Variants in NHSL1 observed in about 807,000 individuals in gnomAD.
NHSL1 encodes NHS-like protein 1.
In NHSL1, 48 loss-of-function variants were observed where a neutral mutation model predicts 95.0. The ratio of observed to expected loss-of-function variants is 0.51; its 90% CI spans 0.40 to 0.64. The LOEUF (loss-of-function observed/expected upper bound fraction) is 0.64. NHSL1 is among the 30% of genes least tolerant of loss of function. The pLI is 0.00. For missense variants in NHSL1, 1,971 were observed against 2,077.7 expected, an observed-to-expected ratio of 0.95 and a Z score of 1.00; for synonymous variants, 783 against 833.9, an observed-to-expected ratio of 0.94 and a Z score of 1.05.
chr6:138,430,309 C>T lies in NHSL1; in HGVS notation c.3952+84G>A, dbSNP rs1417712321. The T allele has an allele frequency of 1.6e-5, 22 of 1,404,850 alleles. No individual in the cohort carries two copies. The highest frequency in any genetic ancestry group is 8.7e-5 in the African/African-American group (6 of 69,068). The allele number at this position is 1,404,850 out of a possible 1,614,324, so 87.0% of individuals were successfully genotyped here. A position where few individuals can be genotyped will look rare whatever the true frequency, so the allele number is the denominator to read the frequency against. ...ATCTGATCTACCTGGGTTCTTTCCA[C>T]GTGTGAGCATTCAACAACCCTATCT... On this transcript the variant is annotated intron_variant, in intron 6 of 7. Coordinates refer to ENST00000343505, the MANE Select transcript of NHSL1 (RefSeq NM_001144060.2). This position sits in a 1 kb window ranked among gnomAD's most constrained non-coding sequence, Gnocchi z 4.7.
intron 1 of NHSL1, among the ~76,000 whole-genome samples, chr6:138,563,496 A>G (rs2114327175): frequency 6.6e-6 from 1 of 152,350 alleles, no homozygotes; most frequent in Non-Finnish European, 1.5e-5. Flanking sequence ...ACACTAGGAT[A>G]AAGACATTTT....
Position 138,430,998 on chromosome 6 carries a change from A to C in NHSL1, c.3347T>G (p.Leu1116Arg), listed in dbSNP as rs1775611848. Reference protein sequence around the residue: ...PQYHLKPSAFLKSRNSTNEME... With the variant: ...PQYHLKPSAFRKSRNSTNEME... ...TTCATTTGTGCTATTTCGGGATTTC[A>C]GGAAAGCAGATGGCTTTAAGTGGTA... is the stretch of plus-strand genomic sequence containing the variant. Residue 1116 changes from leucine to arginine, a missense_variant, in exon 6 of 8, where the codon CTG becomes CGG. Transcript: ENST00000343505. The surrounding 1 kb of genome is among the most constrained non-coding windows in gnomAD (Gnocchi z 4.7). 6.4e-7 allele frequency: 1 copy of C among 1,552,256 alleles called. No individual in the cohort carries two copies. The highest frequency in any genetic ancestry group is 8.7e-7 in the Non-Finnish European group (1 of 1,147,120).
chr6:138,666,236 G>T (rs1785292264), intron 1 of NHSL1, among the ~76,000 whole-genome samples: 1 of 152,148 alleles, frequency 6.6e-6, no homozygotes, highest in Non-Finnish European at 1.5e-5. Context: ...CCCAGAGGTG[G>T]AGGTTGCAGT....
Position 138,430,459 on chromosome 6 carries a change from G to T in NHSL1, c.3886C>A (p.Pro1296Thr). 1.3e-6 allele frequency: 2 copies of T among 1,548,450 alleles called. No homozygotes were observed. The highest frequency in any genetic ancestry group is 2.4e-5 in the South Asian group (2 of 83,530). The change falls in exon 6 of 8, where the codon CCA (proline) becomes ACA (threonine). Residue 1296 changes from proline (P) to threonine (T), a missense_variant. Coordinates refer to ENST00000343505, the MANE Select transcript of NHSL1 (RefSeq NM_001144060.2). This position sits in a 1 kb window ranked among gnomAD's most constrained non-coding sequence, Gnocchi z 4.7. ...DVSPAPKQEE[P>T]AENSADTGGD... Reference sequence around the variant, plus strand: ...CCAGTATCCGCACTGTTCTCGGCTGGCTCCTCCTGCTTGGGGGCTGGTGAG... The same window carrying T: ...CCAGTATCCGCACTGTTCTCGGCTGTCTCCTCCTGCTTGGGGGCTGGTGAG...
chr6:138,427,750 C>CT (rs1417546659), intron 7 of NHSL1, among the ~76,000 whole-genome samples: 2 of 152,208 alleles, frequency 1.3e-5, no homozygotes, highest in African/African-American at 4.8e-5. Flanking sequence ...AATTTGGAAG[C>CT]TGTGTTTCAA....
chr6:138,579,567 T>G (rs1483442100), intron 1 of NHSL1, among the ~76,000 whole-genome samples: 1 of 152,250 alleles, frequency 6.6e-6, no homozygotes, highest in Non-Finnish European at 1.5e-5. Flanking sequence ...ACATCTTCAC[T>G]GCTTCCATCC....
At chr6:138,661,670 A>C (rs1296295553) in intron 1 of NHSL1, among the ~76,000 whole-genome samples, 3 of 152,050 alleles carry the variant, frequency 2.0e-5, no homozygotes, top group African/African-American at 7.2e-5. Context: ...TCAAATAAAA[A>C]AAAAAAAGAA....
chr6:138,571,982 C>T (rs1783856897), exon 1 of NHSL1: 3 of 1,296,032 alleles, frequency 2.3e-6, no homozygotes, highest in East Asian at 5.0e-5. Context: ...TGCGTTGGCC[C>T]AGGTCCTCTC....
intron 1 of NHSL1, among the ~76,000 whole-genome samples, chr6:138,560,886 G>A (rs1024675149): frequency 6.6e-6 from 1 of 152,228 alleles, no homozygotes; most frequent in Non-Finnish European, 1.5e-5. Flanking sequence ...TTAGGGAATA[G>A]AGGCAAGGGA....
intron 1 of NHSL1, among the ~76,000 whole-genome samples, chr6:138,686,479 T>C (rs1562413241): frequency 6.6e-6 from 1 of 152,274 alleles, no homozygotes; most frequent in South Asian, 2.1e-4. Context: ...CCAGATCCTG[T>C]CTAAAAAAAT....
At chr6:138,649,184 C>T (rs1040291642) in intron 1 of NHSL1, among the ~76,000 whole-genome samples, 2 of 152,020 alleles carry the variant, frequency 1.3e-5, no homozygotes, top group African/African-American at 4.8e-5. Context: ...AATCTTTTAA[C>T]CTTTCATCCA....
At chr6:138,523,958 T>A (rs1781797374) in intron 1 of NHSL1, among the ~76,000 whole-genome samples, 1 of 152,242 alleles carries the variant, frequency 6.6e-6, no homozygotes, top group Non-Finnish European at 1.5e-5. Context: ...TTTATGTGAA[T>A]GATCTCATTG....
intron 1 of NHSL1, among the ~76,000 whole-genome samples, chr6:138,679,217 G>A (rs909618793): frequency 1.3e-5 from 2 of 152,158 alleles, no homozygotes; most frequent in Non-Finnish European, 2.9e-5. Flanking sequence ...GGTGAGAAAA[G>A]TTGAGACAGA....
chr6:138,571,801 C>T (rs1361409304), exon 1 of NHSL1: 1 of 1,552,270 alleles, frequency 6.4e-7, no homozygotes, highest in South Asian at 1.2e-5. Context: ...TGCGAAACAG[C>T]CTCTTTGTCT....
intron 1 of NHSL1, among the ~76,000 whole-genome samples, chr6:138,527,757 T>C (rs1407447787): frequency 6.6e-6 from 1 of 152,152 alleles, no homozygotes; most frequent in Non-Finnish European, 1.5e-5. Context: ...AGAAAAATAG[T>C]AGTTAACAGT....
intron 2 of NHSL1, among the ~76,000 whole-genome samples, chr6:138,476,778 G>T (rs947300470): frequency 1.4e-4 from 22 of 152,036 alleles, no homozygotes; most frequent in African/African-American, 5.3e-4. Context: ...GTGAGCCCAA[G>T]ATCATGCTAT....
rs529203622 is a variant in NHSL1 at position 138,498,935 on chromosome 6, CAGA to C, written c.58+295_58+297del. Reference sequence around the variant, plus strand: ...TTCAAAGGACTTCTTTTGAAAAGCACAGAAGAAGTGAATTCACTTAAAACCCCA... The same window carrying C: ...TTCAAAGGACTTCTTTTGAAAAGCACAGAAGTGAATTCACTTAAAACCCCA... On this transcript the variant is annotated intron_variant, in intron 1 of 7. Transcript: ENST00000343505. Among the ~76,000 whole-genome samples the C allele has an allele frequency of 1.0e-3, 157 of 152,254 alleles. No individual in the cohort carries two copies. The Middle Eastern group carries it at 0.017, about 16-fold the overall frequency.
At chr6:138,568,325 T>C (rs993443383) in intron 1 of NHSL1, among the ~76,000 whole-genome samples, 2 of 152,250 alleles carry the variant, frequency 1.3e-5, no homozygotes, top group Non-Finnish European at 2.9e-5. Flanking sequence ...CTTCAGGGCC[T>C]GAGTGCTATC....
Position 138,499,402 on chromosome 6 carries a change from C to A in NHSL1, c.-112G>T. ...TACAGATTCTAACTTTTTCTTCCCC[C>A]GGTCTCATATCCTTAGACATCTGCC... is the stretch of plus-strand genomic sequence containing the variant. On this transcript the variant is annotated 5_prime_UTR_variant, in exon 1 of 8. Coordinates refer to ENST00000343505, the MANE Select transcript of NHSL1 (RefSeq NM_001144060.2). 1.3e-6 allele frequency: 2 copies of A among 1,487,372 alleles called. No individual in the cohort carries two copies. Among genetic ancestry groups the A allele is most frequent in the Non-Finnish European group, 9.0e-7 (1 of 1,112,938 alleles). The allele number at this position is 1,487,372 out of a possible 1,614,324, so 92.1% of individuals were successfully genotyped here. A position where few individuals can be genotyped will look rare whatever the true frequency, so the allele number is the denominator to read the frequency against.
Sources: gnomAD v4.1 joint callset for allele counts (sites outside exome capture counted in the v4.1 genomes callset) on GRCh38, gnomAD v4.1.1 for gene constraint, Gnocchi (gnomAD v3.1) non-coding constraint, MANE v1.5 for transcripts, NCBI Gene and HGNC (gene_info 2026-07-23, HGNC 2026-07-21) for gene names.